SPAG9: variants seen among roughly 807,000 people sequenced by gnomAD.
SPAG9 encodes the protein C-Jun-amino-terminal kinase-interacting protein 4.
In SPAG9, 35 loss-of-function variants were observed where a neutral mutation model predicts 166.5. The ratio of observed to expected loss-of-function variants is 0.21; its 90% CI spans 0.16 to 0.28. The LOEUF is 0.28. Ranked by LOEUF, SPAG9 falls within the 10% of genes least tolerant of loss-of-function variation. The probability of loss-of-function intolerance (pLI) is 1.00; values close to 1 mark genes in which losing one functional copy is unlikely to be tolerated. For synonymous variants in SPAG9, 534 were observed against 565.5 expected (o/e 0.94, Z 0.79); for missense variants, 1,235 against 1,603.3 (o/e 0.77, Z 3.92).
chr17:51,039,878 T>G (rs964374445), intron 5 of SPAG9, among the ~76,000 whole-genome samples: 2 of 152,046 alleles, frequency 1.3e-5, no homozygotes, highest in African/African-American at 4.8e-5. Context: ...AGATGAGTGT[T>G]TTGGAAAATC....
At chr17:51,077,081 T>TCTAGCTATCTAG (rs1568065742) in intron 2 of SPAG9, among the ~76,000 whole-genome samples, 29 of 109,674 alleles carry the variant, frequency 2.6e-4, no homozygotes, top group African/African-American at 1.2e-3. Context: ...TATCTAGCTA[T>TCTAGCTATCTAG]CTAGCTAGCT....
At chr17:51,062,160 G>C (rs775759479) in intron 2 of SPAG9, among the ~76,000 whole-genome samples, 1 of 151,844 alleles carries the variant, frequency 6.6e-6, no homozygotes, top group African/African-American at 2.4e-5. Context: ...AAAATTGAAT[G>C]AAAGTACAGA....
chr17:51,060,851 T>TG (rs1210834754), intron 2 of SPAG9, among the ~76,000 whole-genome samples: 1 of 151,352 alleles, frequency 6.6e-6, no homozygotes, highest in African/African-American at 2.4e-5. Context: ...TTTTTTGTTT[T>TG]TTTTTTTTTT....
At chr17:51,029,200 A>T (rs1200874063) in intron 6 of SPAG9, among the ~76,000 whole-genome samples, 1 of 152,190 alleles carries the variant, frequency 6.6e-6, no homozygotes, top group Non-Finnish European at 1.5e-5. Flanking sequence ...TAGATGTAAC[A>T]CAAATGGCCA....
chr17:51,082,231 C>T (rs1176871985), intron 1 of SPAG9, among the ~76,000 whole-genome samples: 1 of 151,744 alleles, frequency 6.6e-6, no homozygotes, highest in Non-Finnish European at 1.5e-5. Context: ...AAAAATTAGC[C>T]AGGCATGGTG....
chr17:51,066,460 C>T (rs2047668053), intron 2 of SPAG9, among the ~76,000 whole-genome samples: 1 of 146,040 alleles, frequency 6.8e-6, no homozygotes, highest in Non-Finnish European at 1.5e-5. Context: ...GAGGCTGAGA[C>T]AGGAGAATTG....
rs151256998 is a variant in SPAG9 at position 50,998,320 on chromosome 17, G to A, written c.1838+124C>T. On this transcript the variant is annotated intron_variant, in intron 15 of 29. Coordinates refer to ENST00000262013, the MANE Select transcript of SPAG9 (RefSeq NM_001130528.3). ...GCTGGGATTACAGGTGTGAGCCACC[G>A]TGCCTGGCCCAGAAATGATTTTTTT... 9.8e-4 allele frequency: 852 copies of A among 869,542 alleles called. 7 individuals are homozygous for A. In the East Asian group the frequency reaches 0.015, roughly 15 times the overall value. The allele number at this position is 869,542 out of a possible 1,614,324, so 53.9% of individuals were successfully genotyped here.
intron 2 of SPAG9, 76 bp downstream of exon 2, chr17:51,079,508 G>C: frequency 4.9e-6 from 7 of 1,440,712 alleles, no homozygotes; most frequent in Non-Finnish European, 6.7e-6. Flanking sequence ...CAAAGTGCTG[G>C]GATTACAGGC....
intron 5 of SPAG9, among the ~76,000 whole-genome samples, chr17:51,037,685 A>ATATATATATATATATATAGTGTGTGTGT: frequency 2.4e-5 from 2 of 83,490 alleles, no homozygotes; most frequent in African/African-American, 7.8e-5. Flanking sequence ...ATATATATAT[A>ATATATATATATATATATAGTGTGTGTGT]GTGTGTGTGT....
In SPAG9 at chr17:51,059,771, A is replaced by AAAAC. The variant is rs71149339; in HGVS notation, c.425-3293_425-3290dup. On this transcript the variant is annotated intron_variant, in intron 2 of 29. Coordinates refer to ENST00000262013, the MANE Select transcript of SPAG9 (RefSeq NM_001130528.3). ...GCGACAGAGTGTGACTCCATCTCAA[A>AAAAC]AAACAAACAAACAAACAAACAAACA... 7.7e-3 allele frequency among the ~76,000 whole-genome samples: 1,159 copies of AAAAC among 150,908 alleles called. 15 individuals carry two copies. The highest frequency in any genetic ancestry group is 0.023 in the African/African-American group (946 of 40,994).
chr17:51,021,018 A>G (rs1052247854), intron 7 of SPAG9, 140 bp downstream of exon 7: 8 of 700,274 alleles, frequency 1.1e-5, no homozygotes, highest in African/African-American at 3.6e-5. Flanking sequence ...ATGCAGAACC[A>G]CAGATATAGA....
intron 5 of SPAG9, among the ~76,000 whole-genome samples, chr17:51,037,402 T>C (rs1349982377): frequency 6.6e-6 from 1 of 151,830 alleles, no homozygotes; most frequent in Non-Finnish European, 1.5e-5. Context: ...GGCAGGTGGA[T>C]CACTTGAGGT....
chr17:50,977,037 G>T, intron 27 of SPAG9, 71 bp downstream of exon 27: 1 of 973,622 alleles, frequency 1.0e-6, no homozygotes. Context: ...ACACAGATTT[G>T]AATTTCAGAC....
chr17:50,998,655 A>G lies in SPAG9; in HGVS notation c.1665-38T>C. On this transcript the variant is annotated intron_variant, in intron 14 of 29. Coordinates refer to ENST00000262013, the MANE Select transcript of SPAG9 (RefSeq NM_001130528.3). ...AGTATGTCTGTGTGTCACATGTACT[A>G]TGAGAAACAATCCTTGATTTTCCAC... 3.8e-6 allele frequency: 6 copies of G among 1,565,540 alleles called. No homozygotes were observed. In the South Asian group the frequency reaches 5.7e-5, roughly 15 times the overall value.
chr17:51,069,765 T>G (rs1352377813), intron 2 of SPAG9, among the ~76,000 whole-genome samples: 2 of 152,160 alleles, frequency 1.3e-5, no homozygotes, highest in Non-Finnish European at 2.9e-5. Flanking sequence ...GCAGGTATTT[T>G]ACTAGACTAA....
chr17:51,023,901 A>C (rs2046047135), intron 6 of SPAG9, among the ~76,000 whole-genome samples: 1 of 152,290 alleles, frequency 6.6e-6, no homozygotes, highest in East Asian at 1.9e-4. Flanking sequence ...CCTGGCCTCA[A>C]GCGATCTGCT....
At chr17:50,969,410 C>T (rs1973606497) in intron 29 of SPAG9, among the ~76,000 whole-genome samples, 1 of 152,174 alleles carries the variant, frequency 6.6e-6, no homozygotes, top group African/African-American at 2.4e-5. Flanking sequence ...TCTCATCATG[C>T]TTCTTATCTG....
intron 1 of SPAG9, among the ~76,000 whole-genome samples, chr17:51,088,321 T>C (rs1315878461): frequency 5.3e-5 from 8 of 152,336 alleles, no homozygotes; most frequent in Non-Finnish European, 1.0e-4. Flanking sequence ...ATGTCATTCA[T>C]AGGACTTATT....
At chr17:50,976,726 A>C (rs1485802249) in intron 27 of SPAG9, 2 of 153,996 alleles carry the variant, frequency 1.3e-5, no homozygotes, top group East Asian at 3.8e-4. Flanking sequence ...TTTAAACCTC[A>C]AATAAGACAA....
Sources: allele counts gnomAD v4.1 joint callset (sites outside exome capture counted in the v4.1 genomes callset), GRCh38; gene constraint gnomAD v4.1.1; transcripts MANE v1.5; gene names NCBI Gene and HGNC (gene_info 2026-07-23, HGNC 2026-07-21).